The following TRPC5 variants were observed in gnomAD, a reference collection of about 807,000 sequenced individuals.
The protein encoded by TRPC5 is short transient receptor potential channel 5.
In TRPC5, 9 loss-of-function variants were observed where a neutral mutation model predicts 56.5. The observed-to-expected ratio is 0.16, with a 90% CI of 0.10 to 0.28. The LOEUF is 0.28. TRPC5 is among the 10% of genes least tolerant of loss of function. The pLI is 1.00. For synonymous variants in TRPC5, 282 were observed against 278.5 expected (o/e 1.01, Z -0.13); for missense variants, 469 against 748.9 (o/e 0.63, Z 4.36).
intron 1 of TRPC5, among the ~76,000 whole-genome samples, chrX:112,026,809 T>C (rs1379077031): frequency 9.1e-6 from 1 of 109,812 alleles, no homozygotes; most frequent in East Asian, 2.8e-4. Context: ...TGATTGTGTA[T>C]GACATTGAAT....
At position 111,859,801 on chromosome X, in the gene TRPC5, GT is replaced by G. The variant is rs954217892; in HGVS notation, c.901-5696del. On this transcript the variant is annotated intron_variant, in intron 3 of 10. Coordinates refer to ENST00000262839, the MANE Select transcript of TRPC5 (RefSeq NM_012471.3). ...AGTAAAAGCCTTGGTAAAGTAACCA[GT>G]TTTTTTTTTTAATTGTGTTCTGTTA... Among the ~76,000 whole-genome samples, 278 of 106,944 alleles carry G rather than the reference GT, an allele frequency of 2.6e-3. 3 individuals are homozygous for G. Among genetic ancestry groups the G allele is most frequent in the African/African-American group, 8.6e-3 (256 of 29,705 alleles). The allele number at this position is 106,944 out of a possible 115,157, so 92.9% of individuals were successfully genotyped here.
intron 1 of TRPC5, among the ~76,000 whole-genome samples, chrX:112,063,854 C>T (rs112885900): frequency 1.8e-5 from 2 of 111,889 alleles, no homozygotes; most frequent in African/African-American, 6.5e-5. Flanking sequence ...TGCAGTGGCG[C>T]GATCTCGGCT....
chrX:112,065,508 T>TGGCTTCATGGTCTCTTC (rs1381886680), intron 1 of TRPC5, among the ~76,000 whole-genome samples: 1 of 111,972 alleles, frequency 8.9e-6, no homozygotes, highest in Non-Finnish European at 1.9e-5. Flanking sequence ...CTGGTCTCCT[T>TGGCTTCATGGTCTCTTC]GGCTTCATGG....
chrX:111,898,253 A>T (rs1466900556), intron 3 of TRPC5, among the ~76,000 whole-genome samples: 1 of 59,651 alleles, frequency 1.7e-5, no homozygotes, highest in Non-Finnish European at 2.5e-5. Flanking sequence ...AGGGGTTCTT[A>T]TATATATATA....
At chrX:111,994,846 C>T (rs1928475487) in intron 1 of TRPC5, among the ~76,000 whole-genome samples, 2 of 111,992 alleles carry the variant, frequency 1.8e-5, no homozygotes, top group South Asian at 7.5e-4. Flanking sequence ...ATGTCATCTC[C>T]AAACAGGGAT....
In TRPC5 at chrX:111,770,555, AC is replaced by A. The variant is rs984397486; in HGVS notation, c.*5757del. Among the ~76,000 whole-genome samples, 7 of 111,997 alleles carry A rather than the reference AC, an allele frequency of 6.3e-5. No individual in the cohort carries two copies. The highest frequency in any genetic ancestry group is 2.3e-4 in the African/African-American group (7 of 30,833). On this transcript the variant is annotated 3_prime_UTR_variant, in exon 11 of 11. Transcript: ENST00000262839. ...TCATCTCAATTTGGCCATCCAAAAA[AC>A]TGACAATTTGGTGGTTTAGCCCCGT... is the stretch of plus-strand genomic sequence containing the variant.
At chrX:111,995,613 T>C (rs1928504809) in intron 1 of TRPC5, among the ~76,000 whole-genome samples, 1 of 111,630 alleles carries the variant, frequency 9.0e-6, no homozygotes, top group Admixed American at 9.5e-5. Context: ...TTTGGTTTGG[T>C]AGGCTATGAA....
intron 1 of TRPC5, among the ~76,000 whole-genome samples, chrX:111,955,618 T>G (rs1000376498): frequency 1.2e-4 from 13 of 111,832 alleles, no homozygotes; most frequent in Non-Finnish European, 1.7e-4. Context: ...TTCTTTGCCC[T>G]TTTCCAATCC....
intron 3 of TRPC5, among the ~76,000 whole-genome samples, chrX:111,898,288 C>T (rs868814197): frequency 3.2e-5 from 3 of 92,682 alleles, no homozygotes; most frequent in East Asian, 6.1e-4. Flanking sequence ...GACACACACG[C>T]GTGTGTGCGC....
chrX:112,011,804 C>T (rs1333540165), intron 1 of TRPC5, among the ~76,000 whole-genome samples: 1 of 111,974 alleles, frequency 8.9e-6, no homozygotes, highest in Non-Finnish European at 1.9e-5. Flanking sequence ...TTTTGCTTTA[C>T]AGTACCCTGG....
intron 7 of TRPC5, among the ~76,000 whole-genome samples, chrX:111,819,153 T>G (rs1921956225): frequency 8.9e-6 from 1 of 111,795 alleles, no homozygotes; most frequent in Non-Finnish European, 1.9e-5. Flanking sequence ...GCAAAATGTG[T>G]GGAAACAGAA....
intron 5 of TRPC5, among the ~76,000 whole-genome samples, chrX:111,849,148 T>A (rs1923012602): frequency 8.9e-6 from 1 of 112,253 alleles, no homozygotes; most frequent in Admixed American, 9.5e-5. Flanking sequence ...CATGTATAGC[T>A]CATAATTTGG....
intron 1 of TRPC5, among the ~76,000 whole-genome samples, chrX:111,967,105 T>A (rs988496892): frequency 8.9e-6 from 1 of 112,006 alleles, no homozygotes; most frequent in African/African-American, 3.3e-5. Flanking sequence ...AAAATCTCCT[T>A]ACACTGATAA....
intron 3 of TRPC5, chrX:111,902,136 T>A (rs1925382211): frequency 8.7e-7 from 1 of 1,149,858 alleles, no homozygotes; most frequent in East Asian, 3.3e-5. Flanking sequence ...ATGGATAACT[T>A]ATATGAAGAT....
chrX:111,788,830 TA>T (rs1240705849), intron 7 of TRPC5, among the ~76,000 whole-genome samples: 2 of 111,290 alleles, frequency 1.8e-5, no homozygotes, highest in Non-Finnish European at 3.8e-5. Flanking sequence ...GCAAAGAGAA[TA>T]AAATACCTAG....
At chrX:111,898,890 G>A (rs1209274227) in intron 3 of TRPC5, among the ~76,000 whole-genome samples, 1 of 109,921 alleles carries the variant, frequency 9.1e-6, no homozygotes, top group African/African-American at 3.3e-5. Context: ...CAAGGAGAAA[G>A]GGATCCCAGG....
chrX:111,929,287 A>T (rs761661100), intron 2 of TRPC5, among the ~76,000 whole-genome samples: 51 of 112,310 alleles, frequency 4.5e-4, no homozygotes, highest in Non-Finnish European at 7.1e-4. Context: ...TGGAGGCCCC[A>T]GACATACATT....
intron 3 of TRPC5, among the ~76,000 whole-genome samples, chrX:111,889,033 T>C (rs1924675845): frequency 8.9e-6 from 1 of 112,082 alleles, no homozygotes; most frequent in South Asian, 3.7e-4. Flanking sequence ...TTTACAGGAA[T>C]CAATGTAATG....
rs1364216616 is a variant in TRPC5, at chrX:111,768,083, A to G, written c.*8230T>C. Among the ~76,000 whole-genome samples the G allele has an allele frequency of 8.9e-6, 1 of 112,367 alleles. No individual in the cohort carries two copies. Among genetic ancestry groups the G allele is most frequent in the African/African-American group, 3.2e-5 (1 of 31,009 alleles). The stretch of plus-strand genomic sequence containing the variant: ...AAAATACACAAAATTATTTTATTGT[A>G]CAAGATTCTTTTTAATACATTAAGA... On this transcript the variant is annotated 3_prime_UTR_variant, in exon 11 of 11. Coordinates refer to ENST00000262839, the MANE Select transcript of TRPC5 (RefSeq NM_012471.3).
Sources: allele counts gnomAD v4.1 joint callset (sites outside exome capture counted in the v4.1 genomes callset), GRCh38; gene constraint gnomAD v4.1.1; transcripts MANE v1.5; gene names NCBI Gene and HGNC (gene_info 2026-07-23, HGNC 2026-07-21).